Variants in KCNAB1 observed in about 807,000 individuals in gnomAD.
The protein encoded by KCNAB1 is voltage-gated potassium channel subunit beta-1.
In KCNAB1, 35 loss-of-function variants were observed where a neutral mutation model predicts 64.6. The ratio of observed to expected loss-of-function variants is 0.54; its 90% CI spans 0.41 to 0.72. KCNAB1 has a LOEUF of 0.72. Ranked by LOEUF, KCNAB1 falls within the 30% of genes least tolerant of loss-of-function variation. KCNAB1 has a pLI of 0.00. For synonymous variants in KCNAB1, 177 were observed against 183.8 expected (o/e 0.96, Z 0.30); for missense variants, 401 against 512.9 (o/e 0.78, Z 2.11).
chr3:156,423,006 C>G (rs1329857133), intron 2 of KCNAB1, among the ~76,000 whole-genome samples: 1 of 152,104 alleles, frequency 6.6e-6, no homozygotes, highest in Non-Finnish European at 1.5e-5. Context: ...CAAGAATTGA[C>G]CATCGGGTTC....
At chr3:156,232,031 T>A (rs1199842494) in intron 1 of KCNAB1, among the ~76,000 whole-genome samples, 1 of 152,236 alleles carries the variant, frequency 6.6e-6, no homozygotes, top group Admixed American at 6.5e-5. Context: ...TCGTCAACAT[T>A]AATAATTATA....
At chr3:156,235,696 GA>G (rs933997536) in intron 1 of KCNAB1, among the ~76,000 whole-genome samples, 4 of 152,212 alleles carry the variant, frequency 2.6e-5, no homozygotes, top group African/African-American at 9.6e-5. Context: ...AGGTTCCTGT[GA>G]GGTGCAGATT....
intron 1 of KCNAB1, among the ~76,000 whole-genome samples, chr3:156,124,460 G>A (rs1006149649): frequency 5.1e-4 from 78 of 151,946 alleles, no homozygotes; most frequent in Middle Eastern, 3.4e-3. Flanking sequence ...CAAGTGATCC[G>A]CCCGCCTTAG....
chr3:156,338,113 G>C (rs1185576303), intron 1 of KCNAB1, among the ~76,000 whole-genome samples: 1 of 152,052 alleles, frequency 6.6e-6, no homozygotes, highest in African/African-American at 2.4e-5. Context: ...GCCTCTCCAG[G>C]TACTGCCTGC....
intron 1 of KCNAB1, among the ~76,000 whole-genome samples, chr3:156,286,157 G>T (rs1369718050): frequency 6.6e-6 from 1 of 152,152 alleles, no homozygotes. Flanking sequence ...TTCCAATATG[G>T]CTTCTCCATT....
chr3:156,227,372 G>GA (rs1716248304), intron 1 of KCNAB1, among the ~76,000 whole-genome samples: 1 of 151,942 alleles, frequency 6.6e-6, no homozygotes, highest in Admixed American at 6.6e-5. Context: ...GTTTGACTTA[G>GA]AAAAAAAAGT....
At chr3:156,283,046 G>C (rs571491841) in intron 1 of KCNAB1, among the ~76,000 whole-genome samples, 20 of 151,420 alleles carry the variant, frequency 1.3e-4, no homozygotes, top group Non-Finnish European at 2.4e-4. Flanking sequence ...AGTTGATGCA[G>C]TTTCTTCCTA....
intron 1 of KCNAB1, among the ~76,000 whole-genome samples, chr3:156,157,395 C>T (rs1016997486): frequency 1.3e-5 from 2 of 152,124 alleles, no homozygotes; most frequent in Non-Finnish European, 2.9e-5. Flanking sequence ...AGGTTTTCCA[C>T]AAATGATGAT....
intron 1 of KCNAB1, among the ~76,000 whole-genome samples, chr3:156,299,514 T>C (rs1721017132): frequency 7.5e-6 from 1 of 133,644 alleles, no homozygotes; most frequent in South Asian, 2.4e-4. Context: ...GCATATATGA[T>C]TGAACATTGC....
At chr3:156,291,871 G>C in intron 1 of KCNAB1, 1 of 1,611,658 alleles carries the variant, frequency 6.2e-7, no homozygotes, top group East Asian at 2.2e-5. Context: ...CTGTGTTCTG[G>C]GGTTCTGAGA....
rs143447416 is a variant in KCNAB1 at position 156,483,984 on chromosome 3, T to C, written c.658+9164T>C. Among the ~76,000 whole-genome samples the C allele has an allele frequency of 1.5e-3, 223 of 152,244 alleles. 2 individuals carry two copies. The highest frequency in any genetic ancestry group is 4.5e-3 in the African/African-American group (186 of 41,570). ...GAGCTGGCTTTAAAGAAAACTATAC[T>C]CCAGAAAAACAATTGTACTCATCTG... On this transcript the variant is annotated intron_variant, in intron 8 of 13. Transcript: ENST00000490337.
At chr3:156,135,779 T>C (rs1294873972) in intron 1 of KCNAB1, among the ~76,000 whole-genome samples, 2 of 152,162 alleles carry the variant, frequency 1.3e-5, no homozygotes, top group Non-Finnish European at 1.5e-5. Context: ...CCAGACCCCA[T>C]AGAAATAACG....
At chr3:156,157,116 A>T (rs2030488456) in intron 1 of KCNAB1, among the ~76,000 whole-genome samples, 1 of 152,242 alleles carries the variant, frequency 6.6e-6, no homozygotes, top group Admixed American at 6.5e-5. Context: ...GAGGACTGAG[A>T]GAGACCATTG....
At chr3:156,212,122 G>T (rs973831280) in intron 1 of KCNAB1, among the ~76,000 whole-genome samples, 1 of 152,132 alleles carries the variant, frequency 6.6e-6, no homozygotes, top group Non-Finnish European at 1.5e-5. Context: ...CATCTTCCTG[G>T]TTCCCAGTTT....
chr3:156,470,621 A>AGCTGTGTCCGACT (rs550221036), intron 7 of KCNAB1, among the ~76,000 whole-genome samples: 634 of 152,350 alleles, frequency 4.2e-3, no homozygotes, highest in Non-Finnish European at 6.8e-3. Flanking sequence ...AACAGCCAAA[A>AGCTGTGTCCGACT]GCTGTGTCCG....
intron 1 of KCNAB1, among the ~76,000 whole-genome samples, chr3:156,413,825 C>T (rs907281337): frequency 1.3e-5 from 2 of 152,238 alleles, no homozygotes; most frequent in Non-Finnish European, 2.9e-5. Context: ...ACACCTTAGA[C>T]ACAATCCCTG....
chr3:156,328,255 A>G (rs16847032), intron 1 of KCNAB1, among the ~76,000 whole-genome samples: 362 of 152,230 alleles, frequency 2.4e-3, no homozygotes, highest in African/African-American at 8.4e-3. Context: ...TTGGTATACC[A>G]CTTAAAAAGA....
Position 156,370,841 on chromosome 3 carries a change from G to A in KCNAB1, c.276-50775G>A, listed in dbSNP as rs558655437. ...GGGAGAGATTCCGTGGTGGCAGGCT[G>A]GGTAGGAGAACCGCCTTACACATGG... On this transcript the variant is annotated intron_variant, in intron 1 of 13. Coordinates refer to ENST00000490337, the MANE Select transcript of KCNAB1 (RefSeq NM_172160.3). 7.9e-4 allele frequency among the ~76,000 whole-genome samples: 120 copies of A among 152,326 alleles called. 1 individual carries two copies. In the South Asian group the frequency reaches 0.012, roughly 15 times the overall value.
At chr3:156,433,231 C>A (rs528820622) in intron 2 of KCNAB1, among the ~76,000 whole-genome samples, 1 of 152,208 alleles carries the variant, frequency 6.6e-6, no homozygotes, top group East Asian at 1.9e-4. Flanking sequence ...GCTATATGCC[C>A]CTAAAGGACA....
Sources: allele counts gnomAD v4.1 joint callset (sites outside exome capture counted in the v4.1 genomes callset), GRCh38; gene constraint gnomAD v4.1.1; transcripts MANE v1.5; gene names NCBI Gene and HGNC (gene_info 2026-07-23, HGNC 2026-07-21).